The following ZNF510 variants were observed in gnomAD, a reference collection of about 807,000 sequenced individuals.
ZNF510 encodes the protein zinc finger protein 510.
In ZNF510, 15 loss-of-function variants were observed where a neutral mutation model predicts 18.1. The ratio of observed to expected loss-of-function variants is 0.83; its 90% CI spans 0.55 to 1.28. The LOEUF (loss-of-function observed/expected upper bound fraction) is 1.28. Ranked by LOEUF, ZNF510 falls within the 50% of genes most tolerant of loss-of-function variation. The pLI is 0.00. For synonymous variants in ZNF510, 261 were observed against 266.4 expected (o/e 0.98, Z 0.20); for missense variants, 724 against 791.8 (o/e 0.91, Z 1.03).
intron 1 of ZNF510, among the ~76,000 whole-genome samples, chr9:96,776,488 C>A (rs1849706947): frequency 6.6e-6 from 1 of 152,136 alleles, no homozygotes. Flanking sequence ...TCAGAAACGT[C>A]TCCAGGCCGG....
At chr9:96,770,644 T>C (rs1456397518) in intron 3 of ZNF510, among the ~76,000 whole-genome samples, 2 of 151,574 alleles carry the variant, frequency 1.3e-5, no homozygotes, top group African/African-American at 4.8e-5. Context: ...GTCACAAAGA[T>C]CACATATTAT....
chr9:96,775,801 G>A (rs1849684679), intron 2 of ZNF510, among the ~76,000 whole-genome samples, 199 bp downstream of exon 2: 1 of 152,224 alleles, frequency 6.6e-6, no homozygotes, highest in Non-Finnish European at 1.5e-5. Flanking sequence ...TGTGATGGAT[G>A]TTGTGTGAGA....
At chr9:96,763,670 G>C (rs1467875213) in intron 3 of ZNF510, 38 bp from the exon 4 acceptor site, 1 of 1,522,390 alleles carries the variant, frequency 6.6e-7, no homozygotes, top group Non-Finnish European at 8.8e-7. Flanking sequence ...GAAGGGTTCA[G>C]AATTAGATGA....
intron 5 of ZNF510, among the ~76,000 whole-genome samples, 168 bp from the exon 6 acceptor site, chr9:96,760,645 A>T (rs12005687): frequency 0.01 from 1,565 of 152,294 alleles, 29 homozygotes; most frequent in African/African-American, 0.035. Context: ...CCTTTAAAAA[A>T]TAATATTGAT....
Position 96,759,681 on chromosome 9 carries a change from CTTA to C in ZNF510, c.1146_1148del (p.Asn382del), listed in dbSNP as rs1014056688. On this transcript the variant is annotated inframe_deletion, in exon 6 of 6. Transcript: ENST00000223428. ...TGTGAACCGACGTCTGGTAGGATTT[CTTA>C]TTTTCATGATATTCAGAGGATTTAA... is the stretch of plus-strand genomic sequence containing the variant. 2.5e-6 allele frequency: 4 copies of C among 1,613,520 alleles called. No individual in the cohort carries two copies. The African/African-American group carries it at 5.3e-5, about 22-fold the overall frequency.
At chr9:96,769,822 T>G (rs141370157) in intron 3 of ZNF510, among the ~76,000 whole-genome samples, 2 of 152,258 alleles carry the variant, frequency 1.3e-5, no homozygotes, top group Admixed American at 6.5e-5. Context: ...TGAAAAGATG[T>G]TGAATGTCAT....
At chr9:96,764,182 T>TTTTTTTTTA (rs1554796096) in intron 3 of ZNF510, among the ~76,000 whole-genome samples, 3 of 152,170 alleles carry the variant, frequency 2.0e-5, no homozygotes, top group African/African-American at 7.2e-5. Flanking sequence ...ACTTTTTTTT[T>TTTTTTTTTA]ATTCTTATTT....
chr9:96,765,345 T>C (rs1380416055), intron 3 of ZNF510, among the ~76,000 whole-genome samples: 2 of 152,162 alleles, frequency 1.3e-5, no homozygotes, highest in East Asian at 1.9e-4. Context: ...TGTGGACATG[T>C]ACAGGAAGGT....
intron 5 of ZNF510, among the ~76,000 whole-genome samples, chr9:96,761,942 C>A (rs1849356253): frequency 1.3e-5 from 2 of 151,810 alleles, no homozygotes; most frequent in Non-Finnish European, 2.9e-5. Context: ...GTCAGTCATA[C>A]AGTTAGAAAA....
chr9:96,766,551 T>G (rs1000167004), intron 3 of ZNF510, among the ~76,000 whole-genome samples: 1 of 151,892 alleles, frequency 6.6e-6, no homozygotes, highest in African/African-American at 2.4e-5. Context: ...TGACCACTGA[T>G]ATAGAAGATT....
Position 96,759,613 on chromosome 9 carries a change from C to A in ZNF510, c.1217G>T (p.Cys406Phe). 3 of 1,613,898 alleles carry A rather than the reference C, an allele frequency of 1.9e-6. No homozygotes were observed. The highest frequency in any genetic ancestry group is 1.7e-6 in the Non-Finnish European group (2 of 1,179,982). The change falls in exon 6 of 6, where the codon TGT (cysteine) becomes TTT (phenylalanine). Residue 406 changes from cysteine to phenylalanine, a missense_variant. By Grantham distance (205) the Cys-to-Phe change is radical. Coordinates refer to ENST00000223428, the MANE Select transcript of ZNF510 (RefSeq NM_014930.3). Reference protein sequence around the residue: ...RSHSMMKPYKCNECGKSFCQK... With the variant: ...RSHSMMKPYKFNECGKSFCQK... ...ACAGAAGGATTTCCCACATTCATTA[C>A]ATTTATAGGGTTTCATCATTGAGTG...
At position 96,758,929 on chromosome 9, in the gene ZNF510, C is replaced by T. The variant is rs10119874; in HGVS notation, c.1901G>A (p.Gly634Glu). The part of the protein sequence containing the change: ...GEKPFQCNKC[G>E]KTFGQKSNLR... ...GTTTGATTTCTGGCCAAAAGTTTTC[C>T]CACATTTATTACACTGAAAGGGTTT... Residue 634 changes from glycine (G) to glutamate (E), a missense_variant, in exon 6 of 6, where the codon GGG becomes GAG. By Grantham distance (98) the Gly-to-Glu change is moderately conservative. Coordinates refer to ENST00000223428, the MANE Select transcript of ZNF510 (RefSeq NM_014930.3). 15,350 of 1,613,958 alleles carry T rather than the reference C, an allele frequency of 9.5e-3. 1,121 individuals carry two copies. The African/African-American group carries it at 0.17, about 18-fold the overall frequency.
At position 96,755,490 on chromosome 9, in the gene ZNF510, CA is replaced by C. The variant is rs1287145105; in HGVS notation, c.*3287del. Among the ~76,000 whole-genome samples the C allele has an allele frequency of 6.6e-6, 1 of 152,172 alleles. No individual in the cohort carries two copies. Among genetic ancestry groups the C allele is most frequent in the African/African-American group, 2.4e-5 (1 of 41,450 alleles). On this transcript the variant is annotated 3_prime_UTR_variant, in exon 6 of 6. Coordinates refer to ENST00000223428, the MANE Select transcript of ZNF510 (RefSeq NM_014930.3). Reference sequence around the variant, plus strand: ...ACCTTATGCTCTCCTATTGTCAATGCATTTTCTTGGTAAGGCTGCTGGCAGT... The same window carrying C: ...ACCTTATGCTCTCCTATTGTCAATGCTTTTCTTGGTAAGGCTGCTGGCAGT...
chr9:96,759,786 C>T lies in ZNF510; in HGVS notation c.1044G>A (p.Lys348=), dbSNP rs1220868456. ...CTGTTTGAGGATCAGTGAGGTGTGC[C>T]TTTCTGTTGAAATTATTTCCACTTG... ...LNPSGNNFNR[K]AHLTDPQTAV... Residue 348 remains lysine, a synonymous_variant, in exon 6 of 6, where the codon AAG becomes AAA. Coordinates refer to ENST00000223428, the MANE Select transcript of ZNF510 (RefSeq NM_014930.3). 6.2e-7 allele frequency: 1 copy of T among 1,613,860 alleles called. No individual in the cohort carries two copies. The highest frequency in any genetic ancestry group is 1.3e-5 in the African/African-American group (1 of 74,904).
intron 5 of ZNF510, 95 bp from the exon 6 acceptor site, chr9:96,760,572 A>G (rs1340470163): frequency 2.7e-6 from 3 of 1,119,266 alleles, no homozygotes; most frequent in East Asian, 4.9e-5. Context: ...TAATTATTTG[A>G]TTTATCAAGA....
In ZNF510 at chr9:96,759,960, A is replaced by G. The variant is rs1369930327; in HGVS notation, c.870T>C (p.Asn290=). 1.2e-6 allele frequency: 2 copies of G among 1,613,122 alleles called. No homozygotes were observed. Among genetic ancestry groups the G allele is most frequent in the Admixed American group, 1.7e-5 (1 of 59,960 alleles). ...GGTCAAAGAGAGTTTTCTTATCACAATTTTTCCTAAATTCATCATCTTTAG... is the reference window on the plus strand; with the variant it reads ...GGTCAAAGAGAGTTTTCTTATCACAGTTTTTCCTAAATTCATCATCTTTAG... ...TSSKDDEFRK[N]CDKKTLFDHR... The change falls in exon 6 of 6, where the codon AAT becomes AAC. Residue 290 remains asparagine (N), a synonymous_variant. Transcript: ENST00000223428.
At position 96,758,615 on chromosome 9, in the gene ZNF510, T is replaced by TTCA; in HGVS notation, c.*160_*162dup. On this transcript the variant is annotated 3_prime_UTR_variant, in exon 6 of 6. Transcript: ENST00000223428. ...CATTTTGGACACAATTCTTCCTGCA[T>TTCA]TCATCTTCATCTGGTTTCTTTCCTA... The TTCA allele has an allele frequency of 1.4e-6, 1 of 694,028 alleles. No individual in the cohort carries two copies. The highest frequency in any genetic ancestry group is 2.3e-6 in the Non-Finnish European group (1 of 435,318). 43.0% of individuals were successfully genotyped at this position (694,028 alleles called of 1,614,324 possible). A position where few individuals can be genotyped will look rare whatever the true frequency, so the allele number is the denominator to read the frequency against.
chr9:96,759,666 C>A lies in ZNF510; in HGVS notation c.1164G>T (p.Thr388=). ...EYHENKKSYQ[T]SVHRVRRRSH... is the part of the protein sequence containing the mutation. ...TTCTTCGGCGAACTCTGTGAACCGA[C>A]GTCTGGTAGGATTTCTTATTTTCAT... The change falls in exon 6 of 6, where the codon ACG becomes ACT. Residue 388 remains threonine, a synonymous_variant. Coordinates refer to ENST00000223428, the MANE Select transcript of ZNF510 (RefSeq NM_014930.3). 1 of 1,613,550 alleles carries A rather than the reference C, an allele frequency of 6.2e-7. No homozygotes were observed. The highest frequency in any genetic ancestry group is 8.5e-7 in the Non-Finnish European group (1 of 1,179,946).
Position 96,776,203 on chromosome 9 carries a change from G to A in ZNF510, c.-134C>T, listed in dbSNP as rs1849699985. 1.4e-6 allele frequency: 2 copies of A among 1,393,164 alleles called. No individual in the cohort carries two copies. 86.3% of individuals were successfully genotyped at this position (1,393,164 alleles called of 1,614,324 possible). The stretch of plus-strand genomic sequence containing the variant: ...GAGGAGGTCTCTGTTCTGTCAGAGA[G>A]CAGTTCTTCGGTGGGACTCCTGTTC... On this transcript the variant is annotated 5_prime_UTR_variant, in exon 2 of 6. Coordinates refer to ENST00000223428, the MANE Select transcript of ZNF510 (RefSeq NM_014930.3).
Sources: allele counts gnomAD v4.1 joint callset (sites outside exome capture counted in the v4.1 genomes callset), GRCh38; gene constraint gnomAD v4.1.1; transcripts MANE v1.5; gene names NCBI Gene and HGNC (gene_info 2026-07-23, HGNC 2026-07-21).